The following MAMDC2 variants were observed in gnomAD, a reference collection of about 807,000 sequenced individuals.
MAMDC2 encodes the protein MAM domain containing 2, also known as MAM domain-containing protein 2.
In MAMDC2, 57 loss-of-function variants were observed where a neutral mutation model predicts 89.8. The ratio of observed to expected loss-of-function variants is 0.63; its 90% CI spans 0.51 to 0.79. The LOEUF is 0.79. Ranked by LOEUF, MAMDC2 falls within the 30% of genes least tolerant of loss-of-function variation. The pLI is 0.00. For synonymous variants in MAMDC2, 313 were observed against 293.4 expected (o/e 1.07, Z -0.68); for missense variants, 800 against 820.6 (o/e 0.97, Z 0.31).
intron 2 of MAMDC2, chr9:70,092,693 T>A (rs2997685): frequency 2.0e-5 from 3 of 152,040 alleles, no homozygotes; most frequent in Non-Finnish European, 2.9e-5. Flanking sequence ...AAGACTATTC[T>A]GCCTACCTGG....
intron 10 of MAMDC2, chr9:70,169,825 C>T (rs1030498419): frequency 2.6e-5 from 4 of 152,144 alleles, no homozygotes; most frequent in Admixed American, 2.6e-4. Context: ...GGAAAATAAA[C>T]CTCTGGGTGG....
At chr9:70,120,245 A>G (rs1442601649) in intron 5 of MAMDC2, among the ~76,000 whole-genome samples, 1 of 152,152 alleles carries the variant, frequency 6.6e-6, no homozygotes, top group Non-Finnish European at 1.5e-5. Flanking sequence ...GCCAGGCTCC[A>G]TCTCTGCATC....
At chr9:70,158,643 G>A (rs1563979761) in intron 9 of MAMDC2, among the ~76,000 whole-genome samples, 2 of 151,846 alleles carry the variant, frequency 1.3e-5, no homozygotes, top group South Asian at 2.1e-4. Flanking sequence ...ACATTCAAAT[G>A]TACTTATATA....
chr9:70,138,674 TA>T (rs2031089875), intron 7 of MAMDC2, among the ~76,000 whole-genome samples: 1 of 152,198 alleles, frequency 6.6e-6, no homozygotes, highest in African/African-American at 2.4e-5. Context: ...TTTTTTTATA[TA>T]CCTGTTGGCC....
At chr9:70,119,054 C>T (rs2030159807) in intron 5 of MAMDC2, among the ~76,000 whole-genome samples, 1 of 151,836 alleles carries the variant, frequency 6.6e-6, no homozygotes, top group Admixed American at 6.6e-5. Flanking sequence ...GATTTTTATC[C>T]TGTATTTTCT....
At chr9:70,174,524 TGG>T (rs2118549290) in intron 11 of MAMDC2, among the ~76,000 whole-genome samples, 1 of 152,188 alleles carries the variant, frequency 6.6e-6, no homozygotes, top group South Asian at 2.1e-4. Context: ...AGAGCATATC[TGG>T]AAAGCAATGT....
chr9:70,184,796 G>T (rs2118585199), intron 11 of MAMDC2, among the ~76,000 whole-genome samples: 1 of 151,982 alleles, frequency 6.6e-6, no homozygotes, highest in South Asian at 2.1e-4. Context: ...TTTTATCAAG[G>T]TTCTCGGCTT....
chr9:70,168,834 C>G lies in MAMDC2; in HGVS notation c.1498+39C>G, dbSNP rs368340094. ...CATTTTAGCTCTCTGTCTCTCTGACCTATACATACATTTCCTGTATCGCTG... is the reference window on the plus strand; with the variant it reads ...CATTTTAGCTCTCTGTCTCTCTGACGTATACATACATTTCCTGTATCGCTG... On this transcript the variant is annotated intron_variant, in intron 10 of 13. Transcript: ENST00000377182. The G allele has an allele frequency of 2.7e-6, 4 of 1,466,580 alleles. No individual in the cohort carries two copies. In the African/African-American group the frequency reaches 5.6e-5, roughly 20 times the overall value. 90.8% of individuals were successfully genotyped at this position (1,466,580 alleles called of 1,614,324 possible).
intron 5 of MAMDC2, among the ~76,000 whole-genome samples, chr9:70,114,273 C>A (rs73449502): frequency 6.9e-6 from 1 of 145,044 alleles, no homozygotes; most frequent in Non-Finnish European, 1.5e-5. Context: ...GTGAGGACTG[C>A]GGCAAACTAG....
chr9:70,119,344 T>C (rs549789615), intron 5 of MAMDC2, among the ~76,000 whole-genome samples: 2 of 152,292 alleles, frequency 1.3e-5, no homozygotes, highest in East Asian at 1.9e-4. Context: ...CCATCAAACA[T>C]CATGAGATGG....
intron 2 of MAMDC2, among the ~76,000 whole-genome samples, chr9:70,090,369 A>G (rs1827865740): frequency 6.6e-6 from 1 of 151,764 alleles, no homozygotes; most frequent in African/African-American, 2.4e-5. Context: ...CTGCAGCTAC[A>G]GCTACTTGGA....
At chr9:70,192,234 GTCT>G (rs1436740074) in intron 11 of MAMDC2, among the ~76,000 whole-genome samples, 1 of 152,000 alleles carries the variant, frequency 6.6e-6, no homozygotes, top group Non-Finnish European at 1.5e-5. Context: ...AAAAAAAATG[GTCT>G]TTTTTTCTAA....
intron 2 of MAMDC2, among the ~76,000 whole-genome samples, chr9:70,074,288 A>T (rs1188431898): frequency 2.6e-5 from 4 of 152,224 alleles, no homozygotes; most frequent in African/African-American, 7.2e-5. Flanking sequence ...TGCACTTAAA[A>T]CTTATGCAAC....
At chr9:70,210,069 T>G (rs1413596943) in intron 11 of MAMDC2, among the ~76,000 whole-genome samples, 5 of 152,232 alleles carry the variant, frequency 3.3e-5, no homozygotes, top group Admixed American at 6.5e-5. Flanking sequence ...GTGGTCAATT[T>G]TGGAATAAGT....
In MAMDC2 at chr9:70,163,229, C is replaced by CTTTT. The variant is rs66957093; in HGVS notation, c.1405-5458_1405-5455dup. 1.4e-4 allele frequency among the ~76,000 whole-genome samples: 18 copies of CTTTT among 125,106 alleles called. 1 individual carries two copies. The highest frequency in any genetic ancestry group is 5.0e-4 in the South Asian group (2 of 3,998). 82.1% of individuals were successfully genotyped at this position (125,106 alleles called of 152,430 possible). A position where few individuals can be genotyped will look rare whatever the true frequency, so the allele number is the denominator to read the frequency against. The stretch of plus-strand genomic sequence containing the variant: ...AGGGCTTCAGGATATTTCTTTCTTT[C>CTTTT]TTTTTTTTTTTTTTTTTTAGACAGA... On this transcript the variant is annotated intron_variant, in intron 9 of 13. Transcript: ENST00000377182.
intron 5 of MAMDC2, among the ~76,000 whole-genome samples, chr9:70,115,562 G>T (rs993452053): frequency 4.6e-5 from 7 of 152,116 alleles, no homozygotes; most frequent in Admixed American, 2.0e-4. Context: ...CCCCATGTTG[G>T]CCAGGCTGGT....
intron 6 of MAMDC2, among the ~76,000 whole-genome samples, chr9:70,130,008 CTGTGTG>C (rs71364580): frequency 0.46 from 66,893 of 147,010 alleles, 15,501 homozygotes; most frequent in Admixed American, 0.53. Context: ...ACATGGCATT[CTGTGTG>C]TGTGTGTGTG....
chr9:70,145,884 A>G (rs984319124), intron 9 of MAMDC2, among the ~76,000 whole-genome samples: 78 of 152,222 alleles, frequency 5.1e-4, no homozygotes. Flanking sequence ...TAAGATATGT[A>G]AGCAACTAAC....
chr9:70,141,261 G>T (rs942823315), intron 8 of MAMDC2, among the ~76,000 whole-genome samples: 3 of 152,174 alleles, frequency 2.0e-5, no homozygotes, highest in African/African-American at 7.2e-5. Context: ...ATCATCTCTA[G>T]AGAACCATTT....
Sources: gnomAD v4.1 joint callset for allele counts (sites outside exome capture counted in the v4.1 genomes callset) on GRCh38, gnomAD v4.1.1 for gene constraint, MANE v1.5 for transcripts, NCBI Gene and HGNC (gene_info 2026-07-23, HGNC 2026-07-21) for gene names.